SRD5A2: variants seen among roughly 807,000 people sequenced by gnomAD.
SRD5A2 encodes steroid 5 alpha-reductase 2.
SRD5A2 carries 30 observed loss-of-function variants against 27.4 expected under a neutral mutation model. The observed-to-expected ratio is 1.10, with a 90% confidence interval of 0.82 to 1.49. The LOEUF is 1.49. Among genes scored for constraint, SRD5A2 ranks in the 40% most tolerant of loss-of-function variants. The pLI is 0.00. For missense variants in SRD5A2, 348 were observed against 323.4 expected, an observed-to-expected ratio of 1.08 and a Z score of -0.58; for synonymous variants, 141 against 133.6, an observed-to-expected ratio of 1.06 and a Z score of -0.38.
At chr2:31,602,941 A>T in the SRD5A2 span, among the ~76,000 whole-genome samples, 1 of 152,034 alleles carries the variant, frequency 6.6e-6, no homozygotes, top group African/African-American at 2.4e-5. Context: ...ACTTAAATGT[A>T]AAACACCAAA....
chr2:31,537,868 T>C (rs1345483412), intron 1 of SRD5A2, among the ~76,000 whole-genome samples: 1 of 152,162 alleles, frequency 6.6e-6, no homozygotes, highest in Non-Finnish European at 1.5e-5. Context: ...AGTGGATTTG[T>C]TCATTCTTGC....
At chr2:31,573,110 C>T (rs1294740492) in intron 1 of SRD5A2, among the ~76,000 whole-genome samples, 3 of 152,134 alleles carry the variant, frequency 2.0e-5, no homozygotes, top group African/African-American at 7.2e-5. Flanking sequence ...TGGGAACAGG[C>T]CATTCTTCAA....
chr2:31,597,548 T>C, the SRD5A2 span, among the ~76,000 whole-genome samples: 1 of 151,928 alleles, frequency 6.6e-6, no homozygotes, highest in East Asian at 1.9e-4. Context: ...ATCTTCACAA[T>C]CTATACATCC....
the SRD5A2 span, among the ~76,000 whole-genome samples, chr2:31,633,322 A>G: frequency 6.6e-6 from 1 of 152,166 alleles, no homozygotes; most frequent in African/African-American, 2.4e-5. Context: ...CCTTTCACTT[A>G]GGCATTGATA....
chr2:31,617,724 C>A, the SRD5A2 span, among the ~76,000 whole-genome samples: 1 of 152,234 alleles, frequency 6.6e-6, no homozygotes, highest in African/African-American at 2.4e-5. Flanking sequence ...CAACTTTATT[C>A]CAGTTCCCAA....
the SRD5A2 span, among the ~76,000 whole-genome samples, chr2:31,608,567 C>T: frequency 2.0e-5 from 3 of 151,704 alleles, no homozygotes. Context: ...TATATAAATT[C>T]AATAAGGTTA....
At chr2:31,623,898 A>C in the SRD5A2 span, among the ~76,000 whole-genome samples, 1 of 152,130 alleles carries the variant, frequency 6.6e-6, no homozygotes, top group Non-Finnish European at 1.5e-5. Context: ...TACATGATAA[A>C]TAACATTGAT....
chr2:31,628,220 A>G, the SRD5A2 span, among the ~76,000 whole-genome samples: 2 of 152,084 alleles, frequency 1.3e-5, no homozygotes, highest in African/African-American at 4.8e-5. Context: ...CTTTACCATT[A>G]CATAATGCTC....
the SRD5A2 span, among the ~76,000 whole-genome samples, chr2:31,604,191 A>C: frequency 2.6e-5 from 4 of 151,814 alleles, no homozygotes; most frequent in African/African-American, 9.7e-5. Context: ...AATGGGGAAA[A>C]ACTGAAGTCT....
At chr2:31,541,602 C>T (rs1332286196) in intron 1 of SRD5A2, among the ~76,000 whole-genome samples, 2 of 151,142 alleles carry the variant, frequency 1.3e-5, no homozygotes, top group Non-Finnish European at 2.9e-5. Flanking sequence ...CAAAAAGCAC[C>T]TTCGTAAAAA....
the SRD5A2 span, among the ~76,000 whole-genome samples, chr2:31,595,196 T>A: frequency 6.7e-6 from 1 of 149,988 alleles, no homozygotes; most frequent in East Asian, 2.0e-4. Flanking sequence ...CAGAAGAAAA[T>A]AAAAATATCA....
chr2:31,601,039 C>T, the SRD5A2 span, among the ~76,000 whole-genome samples: 1 of 151,434 alleles, frequency 6.6e-6, no homozygotes, highest in South Asian at 2.1e-4. Flanking sequence ...GGAAGCAAAC[C>T]CCAAAGCTAG....
the SRD5A2 span, among the ~76,000 whole-genome samples, chr2:31,618,720 A>G: frequency 6.6e-6 from 1 of 152,162 alleles, no homozygotes; most frequent in African/African-American, 2.4e-5. Context: ...CAAAGGATAC[A>G]AAGTTTTAGT....
chr2:31,556,696 A>T (rs987736128), intron 1 of SRD5A2, among the ~76,000 whole-genome samples: 12 of 152,210 alleles, frequency 7.9e-5, no homozygotes, highest in Non-Finnish European at 1.2e-4. Flanking sequence ...GGCCCTGCTG[A>T]CACCTTGATT....
intron 1 of SRD5A2, among the ~76,000 whole-genome samples, chr2:31,540,522 T>G (rs1024555429): frequency 2.0e-5 from 3 of 152,094 alleles, no homozygotes; most frequent in Admixed American, 2.0e-4. Flanking sequence ...CATAAAAACA[T>G]TAAATAAAGG....
In SRD5A2 at chr2:31,552,477, G is replaced by A. The variant is rs112535236; in HGVS notation, c.282-18711C>T. On this transcript the variant is annotated intron_variant, in intron 1 of 4. Transcript: ENST00000622030. ...AGTACTGCCATAGTTTGGACCCCTC[G>A]GTCAACTCAACAATGGAAAGGGCGT... Among the ~76,000 whole-genome samples, 845 of 152,008 alleles carry A rather than the reference G, an allele frequency of 5.6e-3. 6 individuals carry two copies. Among genetic ancestry groups the A allele is most frequent in the South Asian group, 0.015 (74 of 4,790 alleles).
the SRD5A2 span, among the ~76,000 whole-genome samples, chr2:31,610,005 TAAAG>T: frequency 2.0e-5 from 3 of 151,712 alleles, no homozygotes; most frequent in African/African-American, 7.3e-5. Flanking sequence ...CAATAACAAA[TAAAG>T]AGACTGAATC....
chr2:31,588,112 A>AG, the SRD5A2 span, among the ~76,000 whole-genome samples: 1 of 152,184 alleles, frequency 6.6e-6, no homozygotes, highest in Admixed American at 6.5e-5. Flanking sequence ...GCATGCCTAC[A>AG]GGATCTAGAA....
the SRD5A2 span, among the ~76,000 whole-genome samples, chr2:31,605,553 G>A: frequency 3.3e-5 from 5 of 151,640 alleles, no homozygotes; most frequent in South Asian, 2.1e-4. Context: ...GGTGCTCAAC[G>A]TCATTAATCA....
Sources: allele counts gnomAD v4.1 joint callset (sites outside exome capture counted in the v4.1 genomes callset), GRCh38; gene constraint gnomAD v4.1.1; transcripts MANE v1.5; gene names NCBI Gene and HGNC (gene_info 2026-07-23, HGNC 2026-07-21).